The following ZNF518A variants were observed in gnomAD, a reference collection of about 807,000 sequenced individuals.
The protein encoded by ZNF518A is zinc finger protein 518.
A neutral mutation model predicts 102.7 loss-of-function variants in ZNF518A; 47 were observed. The ratio of observed to expected loss-of-function variants is 0.46; its 90% confidence interval spans 0.36 to 0.58. The LOEUF (loss-of-function observed/expected upper bound fraction) is 0.58, where lower values mean the gene tolerates loss of function less well. Among genes scored for constraint, ZNF518A ranks in the 20% least tolerant of loss-of-function variants. ZNF518A has a pLI of 0.00. For synonymous variants in ZNF518A, 652 were observed against 594.6 expected, an observed-to-expected ratio of 1.10 and a Z score of -1.40; for missense variants, 1,793 against 1,699.8, an observed-to-expected ratio of 1.05 and a Z score of -0.96.
chr10:96,174,677 G>A (rs1317495795), intron 1 of ZNF518A, among the ~76,000 whole-genome samples: 3 of 152,048 alleles, frequency 2.0e-5, no homozygotes, highest in African/African-American at 7.2e-5. Context: ...CACAAAAATT[G>A]TAAGAAAAAC....
intron 1 of ZNF518A, among the ~76,000 whole-genome samples, chr10:96,177,773 G>A (rs2083214326): frequency 6.6e-6 from 1 of 151,968 alleles, no homozygotes; most frequent in Non-Finnish European, 1.5e-5. Context: ...AACAGAGATG[G>A]CAGCTTTAAA....
downstream of ZNF518A, among the ~76,000 whole-genome samples, chr10:96,166,502 G>T (rs782188527): frequency 5.3e-5 from 8 of 152,038 alleles, no homozygotes; most frequent in Admixed American, 3.3e-4. Flanking sequence ...AGGCACGGTG[G>T]CTCAGTCTGT....
intron 1 of ZNF518A, among the ~76,000 whole-genome samples, chr10:96,193,872 T>G (rs782126458): frequency 6.6e-6 from 1 of 152,250 alleles, no homozygotes. Flanking sequence ...ATTGACATCA[T>G]GTAACCAACA....
At chr10:96,196,135 C>T (rs959958372) in intron 1 of ZNF518A, among the ~76,000 whole-genome samples, 11 of 152,076 alleles carry the variant, frequency 7.2e-5, no homozygotes, top group Admixed American at 1.3e-4. Context: ...TATTTCTTAC[C>T]TTGAATTTTG....
At chr10:96,145,369 C>T (rs1322910097) in intron 3 of ZNF518A, among the ~76,000 whole-genome samples, 10 of 152,174 alleles carry the variant, frequency 6.6e-5, no homozygotes, top group African/African-American at 2.2e-4. Flanking sequence ...CGCTCCTGGT[C>T]GCATCTTTTT....
intron 1 of ZNF518A, among the ~76,000 whole-genome samples, chr10:96,194,233 A>G (rs1376618309): frequency 2.0e-5 from 3 of 152,216 alleles, no homozygotes; most frequent in Non-Finnish European, 4.4e-5. Flanking sequence ...TCTTATAGAA[A>G]AGCTAGACTG....
At chr10:96,205,010 T>A (rs1344478664), downstream of ZNF518A, 1 of 303,470 alleles carries the variant, frequency 3.3e-6, no homozygotes, top group Non-Finnish European at 6.4e-6. Flanking sequence ...GACAACACCC[T>A]GGTGGGTCTT....
At chr10:96,185,732 T>C (rs183936091) in intron 1 of ZNF518A, among the ~76,000 whole-genome samples, 297 of 152,294 alleles carry the variant, frequency 2.0e-3, no homozygotes, top group African/African-American at 7.0e-3. Flanking sequence ...CGGCCCCTAC[T>C]GGGAGGTGTC....
In ZNF518A at chr10:96,188,369, A is replaced by C. The variant is rs587602207; in HGVS notation, n.36-15205A>C. On this transcript the variant is annotated intron_variant and non_coding_transcript_variant, in intron 1 of 2. Coordinates refer to the ZNF518A transcript ENST00000442635. ...CAGCCTCTGCTCCAAGAAATCCACC[A>C]CGCAGTACTGTATGTCAACCAACTG... is the stretch of plus-strand genomic sequence containing the variant. 1.2e-4 allele frequency among the ~76,000 whole-genome samples: 19 copies of C among 152,334 alleles called. No homozygotes were observed. In the East Asian group the frequency reaches 3.5e-3, roughly 28 times the overall value.
intron 3 of ZNF518A, among the ~76,000 whole-genome samples, chr10:96,134,782 G>C (rs943590576): frequency 6.6e-6 from 1 of 152,170 alleles, no homozygotes; most frequent in Non-Finnish European, 1.5e-5. Context: ...TAGAATGAAG[G>C]TACATGATGT....
At chr10:96,169,353 C>T (rs913230590) in intron 1 of ZNF518A, among the ~76,000 whole-genome samples, 4 of 152,070 alleles carry the variant, frequency 2.6e-5, no homozygotes, top group Admixed American at 2.6e-4. Context: ...AGGCTCTGTT[C>T]GTTTTTTGGT....
In ZNF518A at chr10:96,150,603, G is replaced by A. The variant is rs587652032; in HGVS notation, c.-301-4723G>A. Among the ~76,000 whole-genome samples, 350 of 148,018 alleles carry A rather than the reference G, an allele frequency of 2.4e-3. 1 individual carries two copies. The highest frequency in any genetic ancestry group is 3.8e-3 in the Non-Finnish European group (257 of 67,260). On this transcript the variant is annotated intron_variant, in intron 3 of 5. Coordinates refer to ENST00000316045, the MANE Select transcript of ZNF518A (RefSeq NM_001330736.2). ...CATTTTCAAAATCATTATTCCTCCC[G>A]CATCTACTTTGTTCTCTCTTTTATG... is the stretch of plus-strand genomic sequence containing the variant.
chr10:96,172,073 G>T (rs2083176864), intron 1 of ZNF518A, among the ~76,000 whole-genome samples: 1 of 152,030 alleles, frequency 6.6e-6, no homozygotes, highest in South Asian at 2.1e-4. Context: ...AGCAAAATGA[G>T]AATTCATTTG....
At chr10:96,201,972 G>C (rs1487034260) in intron 1 of ZNF518A, among the ~76,000 whole-genome samples, 2 of 152,172 alleles carry the variant, frequency 1.3e-5, no homozygotes, top group Non-Finnish European at 2.9e-5. Flanking sequence ...ATGTGGGTGA[G>C]ATCTGCAGGT....
At chr10:96,142,341 TG>T (rs1564748481) in intron 3 of ZNF518A, among the ~76,000 whole-genome samples, 1 of 151,540 alleles carries the variant, frequency 6.6e-6, no homozygotes, top group African/African-American at 2.4e-5. Context: ...TGTGTGTGTG[TG>T]TGTGTGTGTG....
chr10:96,141,681 A>G (rs1461724112), intron 3 of ZNF518A, among the ~76,000 whole-genome samples: 1 of 152,056 alleles, frequency 6.6e-6, no homozygotes, highest in Non-Finnish European at 1.5e-5. Context: ...CTAGATCTGT[A>G]TTTAATTACT....
intron 3 of ZNF518A, among the ~76,000 whole-genome samples, chr10:96,150,941 C>G (rs1022800160): frequency 1.3e-5 from 2 of 151,434 alleles, no homozygotes; most frequent in African/African-American, 4.9e-5. Flanking sequence ...TTAGTAGAGA[C>G]GGGGTTTCAC....
chr10:96,179,607 A>G lies in ZNF518A; in HGVS notation n.35+23560A>G, dbSNP rs1477656992. Among the ~76,000 whole-genome samples, 5 of 152,302 alleles carry G rather than the reference A, an allele frequency of 3.3e-5. 1 individual carries two copies. The highest frequency in any genetic ancestry group is 1.2e-4 in the African/African-American group (5 of 41,564). ...ACATGTATTTTCTATGTGACCCAGG[A>G]TTATACTCCTAGATATTTTTTCTAA... On this transcript the variant is annotated intron_variant and non_coding_transcript_variant, in intron 1 of 2. Coordinates refer to the ZNF518A transcript ENST00000442635.
At chr10:96,189,642 G>T in intron 1 of ZNF518A, 1 of 710,962 alleles carries the variant, frequency 1.4e-6, no homozygotes, top group Non-Finnish European at 2.6e-6. Flanking sequence ...TGCATTTTTG[G>T]CTGGAGTATG....
Sources: gnomAD v4.1 joint callset for allele counts (sites outside exome capture counted in the v4.1 genomes callset) on GRCh38, gnomAD v4.1.1 for gene constraint, MANE v1.5 for transcripts, NCBI Gene and HGNC (gene_info 2026-07-23, HGNC 2026-07-21) for gene names.